WWTR1: variants seen among roughly 807,000 people sequenced by gnomAD.
WWTR1 encodes WW domain-containing transcription regulator protein 1.
WWTR1 carries 13 observed loss-of-function variants against 40.1 expected under a neutral mutation model. That is an observed-to-expected ratio of 0.32 (90% CI 0.21 to 0.52). The LOEUF (loss-of-function observed/expected upper bound fraction) is 0.52, where lower values mean the gene tolerates loss of function less well. Ranked by LOEUF, WWTR1 falls within the 20% of genes least tolerant of loss-of-function variation. The probability of loss-of-function intolerance (pLI) is 0.97; values close to 1 mark genes in which losing one functional copy is unlikely to be tolerated. For synonymous variants in WWTR1, 230 were observed against 210.1 expected (o/e 1.09, Z -0.82); for missense variants, 436 against 523.1 (o/e 0.83, Z 1.63).
chr3:149,584,457 A>G (rs1738310587), intron 2 of WWTR1, among the ~76,000 whole-genome samples: 1 of 152,196 alleles, frequency 6.6e-6, no homozygotes, highest in Non-Finnish European at 1.5e-5. Context: ...AACTGGAAAA[A>G]GGGCTGGCAT....
At chr3:149,541,095 CA>C (rs1736078928) in intron 4 of WWTR1, 1 of 452,900 alleles carries the variant, frequency 2.2e-6, no homozygotes, top group Admixed American at 2.4e-5. Flanking sequence ...TCTAAAGTAG[CA>C]AAAGGAAGTT....
chr3:149,689,454 C>T (rs545527161), intron 1 of WWTR1, among the ~76,000 whole-genome samples: 1 of 124,156 alleles, frequency 8.1e-6, no homozygotes, highest in South Asian at 2.6e-4. Context: ...CATATCAAGA[C>T]ATTTAATAAT....
chr3:149,656,714 C>T (rs191023867), intron 2 of WWTR1, among the ~76,000 whole-genome samples, 162 bp downstream of exon 2: 11 of 152,226 alleles, frequency 7.2e-5, no homozygotes, highest in Admixed American at 3.9e-4. Context: ...CTGCTTCCAG[C>T]TCTCCATATC....
intron 4 of WWTR1, among the ~76,000 whole-genome samples, chr3:149,539,719 A>G (rs114976473): frequency 0.014 from 2,197 of 152,294 alleles, 60 homozygotes; most frequent in African/African-American, 0.05. Context: ...GCCAAAGATC[A>G]CTTTTAATTC....
intron 1 of WWTR1, among the ~76,000 whole-genome samples, chr3:149,674,692 C>T (rs1714204144): frequency 6.6e-6 from 1 of 152,068 alleles, no homozygotes; most frequent in Admixed American, 6.5e-5. Context: ...TAGAAAGTTA[C>T]TTAACTTAGC....
At chr3:149,584,446 G>C (rs1460633833) in intron 2 of WWTR1, among the ~76,000 whole-genome samples, 1 of 152,148 alleles carries the variant, frequency 6.6e-6, no homozygotes, top group African/African-American at 2.4e-5. Context: ...GACACAACTT[G>C]AACTGGAAAA....
At chr3:149,675,047 C>T (rs12630871) in intron 1 of WWTR1, among the ~76,000 whole-genome samples, 30,309 of 152,046 alleles carry the variant, frequency 0.2, 3,259 homozygotes, top group Admixed American at 0.3. Flanking sequence ...GACGCTAGTC[C>T]GGGGTTTGGA....
chr3:149,709,574 G>GT (rs971088623), intron 5 of WWTR1, among the ~76,000 whole-genome samples: 33 of 152,122 alleles, frequency 2.2e-4, no homozygotes, highest in African/African-American at 8.0e-4. Flanking sequence ...TTTGTTTGTT[G>GT]TTTTTTTGGA....
chr3:149,565,928 C>CAAAAAAAAAAAAAAAAAAAAAAA (rs58536558), intron 3 of WWTR1, among the ~76,000 whole-genome samples: 1 of 73,476 alleles, frequency 1.4e-5, no homozygotes, highest in Non-Finnish European at 2.8e-5. Flanking sequence ...AACTCTGTCT[C>CAAAAAAAAAAAAAAAAAAAAAAA]AAAAAAAAAA....
chr3:149,585,624 G>A (rs113316125), intron 2 of WWTR1, among the ~76,000 whole-genome samples: 2 of 152,082 alleles, frequency 1.3e-5, no homozygotes, highest in African/African-American at 2.4e-5. Context: ...CCAAAGCTGC[G>A]ATTCCTTTAC....
At chr3:149,685,871 G>A (rs1162353659) in intron 1 of WWTR1, among the ~76,000 whole-genome samples, 4 of 152,006 alleles carry the variant, frequency 2.6e-5, no homozygotes, top group Non-Finnish European at 5.9e-5. Flanking sequence ...TATATCATGG[G>A]ACAAAATCAA....
chr3:149,721,163 A>C (rs1715749443), intron 4 of WWTR1, among the ~76,000 whole-genome samples: 1 of 152,046 alleles, frequency 6.6e-6, no homozygotes. Flanking sequence ...TGAAAGTGGA[A>C]ATTTTTTTCT....
intron 4 of WWTR1, among the ~76,000 whole-genome samples, chr3:149,535,709 T>TAAA (rs35300491): frequency 2.1e-5 from 3 of 143,516 alleles, no homozygotes; most frequent in African/African-American, 5.2e-5. Context: ...TGTCTTCACT[T>TAAA]AAAAAAAAAA....
chr3:149,620,031 ATT>A, intron 2 of WWTR1, among the ~76,000 whole-genome samples: 1 of 152,302 alleles, frequency 6.6e-6, no homozygotes, highest in African/African-American at 2.4e-5. Flanking sequence ...GCTTTGATGT[ATT>A]TTGGTCCTGG....
At chr3:149,534,205 A>G (rs775157260) in intron 4 of WWTR1, among the ~76,000 whole-genome samples, 2 of 152,092 alleles carry the variant, frequency 1.3e-5, no homozygotes, top group African/African-American at 2.4e-5. Context: ...AAAGAAAAGA[A>G]AAACGTGTTA....
chr3:149,681,531 G>C (rs941060313), intron 1 of WWTR1, among the ~76,000 whole-genome samples: 2 of 152,086 alleles, frequency 1.3e-5, no homozygotes, highest in Admixed American at 6.6e-5. Context: ...TCAGGTGTTA[G>C]TTTTTTTGCT....
intron 1 of WWTR1, among the ~76,000 whole-genome samples, chr3:149,684,563 T>C (rs911882740): frequency 1.3e-5 from 1 of 74,648 alleles, no homozygotes; most frequent in Admixed American, 1.6e-4. Context: ...TCATTATTCT[T>C]TTTTTTTTTT....
At chr3:149,676,947 T>G (rs1714280729) in intron 1 of WWTR1, among the ~76,000 whole-genome samples, 1 of 151,010 alleles carries the variant, frequency 6.6e-6, no homozygotes, top group Non-Finnish European at 1.5e-5. Context: ...AGACGGAGTT[T>G]CCCTCTTGTT....
intron 2 of WWTR1, among the ~76,000 whole-genome samples, chr3:149,593,278 G>T (rs1576584725): frequency 6.6e-6 from 1 of 152,254 alleles, no homozygotes; most frequent in South Asian, 2.1e-4. Context: ...TGTGCTGTCT[G>T]GTGGCTTTTG....
Sources: allele counts gnomAD v4.1 joint callset (sites outside exome capture counted in the v4.1 genomes callset), GRCh38; gene constraint gnomAD v4.1.1; transcripts MANE v1.5; gene names NCBI Gene and HGNC (gene_info 2026-07-23, HGNC 2026-07-21).